JAKMIP1: variants seen among roughly 807,000 people sequenced by gnomAD.
The protein encoded by JAKMIP1 is janus kinase and microtubule interacting protein 1.
JAKMIP1 carries 33 observed loss-of-function variants against 113.0 expected under a neutral mutation model. That is an observed-to-expected ratio of 0.29 (90% CI 0.22 to 0.39). JAKMIP1 has a LOEUF of 0.39. JAKMIP1 is among the 10% of genes least tolerant of loss of function. The probability of loss-of-function intolerance (pLI) is 1.00; values close to 1 mark genes in which losing one functional copy is unlikely to be tolerated. For synonymous variants in JAKMIP1, 480 were observed against 459.9 expected (o/e 1.04, Z -0.56); for missense variants, 813 against 1,080.5 (o/e 0.75, Z 3.47).
At chr4:6,039,423 C>A (rs1001823057) in intron 18 of JAKMIP1, among the ~76,000 whole-genome samples, 1 of 152,190 alleles carries the variant, frequency 6.6e-6, no homozygotes, top group Non-Finnish European at 1.5e-5. Context: ...TATTGCGCTA[C>A]GCTTTGCGGG....
At chr4:6,098,637 AAAG>A (rs1253217130) in intron 3 of JAKMIP1, among the ~76,000 whole-genome samples, 8 of 147,434 alleles carry the variant, frequency 5.4e-5, no homozygotes, top group East Asian at 2.0e-4. Context: ...GAAAGAAAGA[AAAG>A]AAAGAAAGGA....
intron 18 of JAKMIP1, among the ~76,000 whole-genome samples, chr4:6,036,713 G>A (rs954666130): frequency 1.4e-4 from 21 of 152,302 alleles, no homozygotes; most frequent in Admixed American, 9.1e-4. Context: ...GATGTTACTC[G>A]TTTTCACAGC....
intron 2 of JAKMIP1, among the ~76,000 whole-genome samples, chr4:6,107,040 A>T (rs558575709): frequency 6.6e-6 from 1 of 152,288 alleles, no homozygotes; most frequent in East Asian, 1.9e-4. Context: ...AATAAAACCA[A>T]CCCAGGCAAA....
In JAKMIP1 at chr4:6,097,943, GC is replaced by G. The variant is rs1347374386; in HGVS notation, c.624+7529del. Among the ~76,000 whole-genome samples the G allele has an allele frequency of 1.3e-5, 2 of 152,208 alleles. No individual in the cohort carries two copies. Among genetic ancestry groups the G allele is most frequent in the Admixed American group, 1.3e-4 (2 of 15,288 alleles). The stretch of plus-strand genomic sequence containing the variant: ...CCGGAAAGAATAATTAAAATGCAAT[GC>G]CCTTTATGGCTCACTTACATTGTGG... On this transcript the variant is annotated intron_variant, in intron 3 of 20. Transcript: ENST00000409021. This position sits in a 1 kb window ranked among gnomAD's most constrained non-coding sequence, Gnocchi z 4.3.
intron 19 of JAKMIP1, among the ~76,000 whole-genome samples, 179 bp downstream of exon 19, chr4:6,035,725 G>T (rs1237462695): frequency 6.6e-6 from 1 of 152,238 alleles, no homozygotes; most frequent in East Asian, 1.9e-4. Context: ...CCCACGTCTT[G>T]CCCCGTCACG....
chr4:6,070,078 C>T, intron 8 of JAKMIP1: 1 of 398,826 alleles, frequency 2.5e-6, no homozygotes, highest in Non-Finnish European at 4.4e-6. Flanking sequence ...TAGGTCATCT[C>T]CTGGCAGCCA....
In JAKMIP1 at chr4:6,067,772, ACGTT is replaced by A. The variant is rs1718375577; in HGVS notation, c.1303-2768_1303-2765del. 1.4e-5 allele frequency among the ~76,000 whole-genome samples: 2 copies of A among 141,420 alleles called. No homozygotes were observed. Among genetic ancestry groups the A allele is most frequent in the Admixed American group, 6.9e-5 (1 of 14,426 alleles). The allele number at this position is 141,420 out of a possible 152,430, so 92.8% of individuals were successfully genotyped here. On this transcript the variant is annotated intron_variant, in intron 8 of 20. Transcript: ENST00000409021. The surrounding 1 kb of genome is among the most constrained non-coding windows in gnomAD (Gnocchi z 4.6). ...CACGCAGGTCACCCCCCTGAGCTCC[ACGTT>A]CACTCAAGCTCTTCTGCACACGCAG...
At chr4:6,084,277 A>T (rs146298994) in intron 5 of JAKMIP1, among the ~76,000 whole-genome samples, 1 of 151,750 alleles carries the variant, frequency 6.6e-6, no homozygotes, top group African/African-American at 2.4e-5. Flanking sequence ...AGATGGTGCC[A>T]ATTGCACTCC....
At chr4:6,125,817 A>G (rs1717404203) in intron 1 of JAKMIP1, among the ~76,000 whole-genome samples, 1 of 115,018 alleles carries the variant, frequency 8.7e-6, no homozygotes, top group Admixed American at 8.2e-5. Flanking sequence ...ACACACACAC[A>G]CCATACACAC....
At position 6,121,654 on chromosome 4, in the gene JAKMIP1, G is replaced by A. The variant is rs146185656; in HGVS notation, c.-147-8657C>T. ...CAGGAAGTCACTGGAGTGAGCCCTC[G>A]GCACACGCCATCTACTCCAGTGATC... On this transcript the variant is annotated intron_variant, in intron 1 of 20. Transcript: ENST00000409021. Among the ~76,000 whole-genome samples the A allele has an allele frequency of 5.9e-5, 9 of 152,322 alleles. No homozygotes were observed. The East Asian group carries it at 7.7e-4, about 13-fold the overall frequency.
At chr4:6,030,845 C>G (rs566354974) in intron 19 of JAKMIP1, among the ~76,000 whole-genome samples, 1 of 152,312 alleles carries the variant, frequency 6.6e-6, no homozygotes, top group Admixed American at 6.5e-5. Flanking sequence ...TGCAGATTGC[C>G]AGGCCCTGCC....
chr4:6,145,257 C>T (rs1041085350), intron 1 of JAKMIP1, among the ~76,000 whole-genome samples: 1 of 152,190 alleles, frequency 6.6e-6, no homozygotes, highest in Non-Finnish European at 1.5e-5. Flanking sequence ...TTCCATGCAG[C>T]ATCTCCTTCA....
intron 1 of JAKMIP1, among the ~76,000 whole-genome samples, chr4:6,163,446 G>T (rs1440123947): frequency 6.6e-6 from 1 of 152,068 alleles, no homozygotes. Flanking sequence ...ATAAATCCTG[G>T]GTATATGCTG....
Position 6,179,762 on chromosome 4 carries a change from C to T in JAKMIP1, c.-148+20491G>A, listed in dbSNP as rs1197131606. On this transcript the variant is annotated intron_variant, in intron 1 of 20. Transcript: ENST00000409021. This position sits in a 1 kb window ranked among gnomAD's most constrained non-coding sequence, Gnocchi z 4.5. ...TCTATGCCAGGTAGTATGCTGGGTACACCTCATCTCAATCCATCCTCAAAG... is the reference window on the plus strand; with the variant it reads ...TCTATGCCAGGTAGTATGCTGGGTATACCTCATCTCAATCCATCCTCAAAG... Among the ~76,000 whole-genome samples, 6 of 152,216 alleles carry T rather than the reference C, an allele frequency of 3.9e-5. No individual in the cohort carries two copies. Among genetic ancestry groups the T allele is most frequent in the Admixed American group, 1.3e-4 (2 of 15,292 alleles).
At chr4:6,029,432 G>GA (rs1712297673) in intron 20 of JAKMIP1, among the ~76,000 whole-genome samples, 1 of 152,200 alleles carries the variant, frequency 6.6e-6, no homozygotes, top group Admixed American at 6.5e-5. Context: ...CTTTCCTAGT[G>GA]AGACAGCAGG....
Position 6,067,581 on chromosome 4 carries a change from A to T in JAKMIP1, c.1303-2573T>A, listed in dbSNP as rs1022133393. 6.6e-6 allele frequency among the ~76,000 whole-genome samples: 1 copy of T among 151,802 alleles called. No homozygotes were observed. The highest frequency in any genetic ancestry group is 1.9e-4 in the East Asian group (1 of 5,186). The stretch of plus-strand genomic sequence containing the variant: ...CCCACGGGAGTGATGCATCTGCAGC[A>T]CTCAAGCTCTTCTGCACACACAGGT... On this transcript the variant is annotated intron_variant, in intron 8 of 20. Coordinates refer to ENST00000409021, the MANE Select transcript of JAKMIP1 (RefSeq NM_001099433.2). This position sits in a 1 kb window ranked among gnomAD's most constrained non-coding sequence, Gnocchi z 4.6.
chr4:6,062,295 AG>A lies in JAKMIP1; in HGVS notation c.1560+16del. 1.2e-6 allele frequency: 2 copies of A among 1,611,588 alleles called. No individual in the cohort carries two copies. Among genetic ancestry groups the A allele is most frequent in the Non-Finnish European group, 1.7e-6 (2 of 1,179,778 alleles). ...CCTTCGGCCCCTCCCTCGAGCCCTG[AG>A]GCTGGCTGCACTCACCCGGGCCTCC... On this transcript the variant is annotated intron_variant, in intron 10 of 20. Transcript: ENST00000409021.
intron 1 of JAKMIP1, among the ~76,000 whole-genome samples, chr4:6,147,084 C>T (rs1163162463): frequency 2.6e-5 from 4 of 152,060 alleles, no homozygotes; most frequent in African/African-American, 7.2e-5. Context: ...CTCAGCCTCC[C>T]GAGTAACTGG....
In JAKMIP1 at chr4:6,081,132, C is replaced by G. The variant is rs1720477049; in HGVS notation, c.1101+477G>C. The stretch of plus-strand genomic sequence containing the variant: ...AATGAACCTGAAATCATTCTGTAAA[C>G]TGTCAACTACAAGACGCCTGCCCTG... On this transcript the variant is annotated intron_variant, in intron 6 of 20. Coordinates refer to ENST00000409021, the MANE Select transcript of JAKMIP1 (RefSeq NM_001099433.2). This position sits in a 1 kb window ranked among gnomAD's most constrained non-coding sequence, Gnocchi z 4.6. Among the ~76,000 whole-genome samples the G allele has an allele frequency of 6.6e-6, 1 of 152,156 alleles. No individual in the cohort carries two copies. The highest frequency in any genetic ancestry group is 2.4e-5 in the African/African-American group (1 of 41,418).
Sources: gnomAD v4.1 joint callset for allele counts (sites outside exome capture counted in the v4.1 genomes callset) on GRCh38, gnomAD v4.1.1 for gene constraint, Gnocchi (gnomAD v3.1) non-coding constraint, MANE v1.5 for transcripts, NCBI Gene and HGNC (gene_info 2026-07-23, HGNC 2026-07-21) for gene names.